Variants in ZC3H11A observed in about 807,000 individuals in gnomAD.
ZC3H11A encodes zinc finger CCCH domain-containing protein 11A.
ZC3H11A carries 22 observed loss-of-function variants against 90.8 expected under a neutral mutation model. The ratio of observed to expected loss-of-function variants is 0.24; its 90% CI spans 0.17 to 0.35. ZC3H11A has a LOEUF of 0.35. Among genes scored for constraint, ZC3H11A ranks in the 10% least tolerant of loss-of-function variants. The probability of loss-of-function intolerance (pLI) is 1.00; values close to 1 mark genes in which losing one functional copy is unlikely to be tolerated. For synonymous variants in ZC3H11A, 294 were observed against 339.8 expected, an observed-to-expected ratio of 0.87 and a Z score of 1.48; for missense variants, 701 against 964.9, an observed-to-expected ratio of 0.73 and a Z score of 3.62.
At chr1:203,820,468 A>G (rs67642275) in intron 4 of ZC3H11A, among the ~76,000 whole-genome samples, 27,240 of 150,262 alleles carry the variant, frequency 0.18, 2,923 homozygotes, top group East Asian at 0.31. Context: ...ATCACAAATT[A>G]TGTGTGTGTG....
At chr1:203,825,560 G>A (rs1022983857) in intron 4 of ZC3H11A, among the ~76,000 whole-genome samples, 9 of 149,522 alleles carry the variant, frequency 6.0e-5, no homozygotes, top group East Asian at 4.0e-4. Context: ...TCAGCCTCCC[G>A]CATAGCTGGG....
rs765606272 is a variant in ZC3H11A at position 203,796,488 on chromosome 1, C to T, written c.-1588+694C>T. ...CGTAATGAAGAACACCCCTAAACTC[C>T]CATAATCGGTGCGGATTCCTATGGG... is the stretch of plus-strand genomic sequence containing the variant. On this transcript the variant is annotated intron_variant, in intron 1 of 17. Coordinates refer to ENST00000367210, the MANE Select transcript of ZC3H11A (RefSeq NM_001376342.1). 1.8e-5 allele frequency: 7 copies of T among 398,886 alleles called. No homozygotes were observed. The East Asian group carries it at 2.5e-4, about 14-fold the overall frequency. 24.7% of individuals were successfully genotyped at this position (398,886 alleles called of 1,614,324 possible). A position where few individuals can be genotyped will look rare whatever the true frequency, so the allele number is the denominator to read the frequency against.
At chr1:203,800,427 G>A (rs1670201817) in intron 1 of ZC3H11A, 2 of 1,404,334 alleles carry the variant, frequency 1.4e-6, no homozygotes, top group Middle Eastern at 1.8e-4. Flanking sequence ...GCAGAATGAA[G>A]TTGTTCAAAG....
intron 4 of ZC3H11A, among the ~76,000 whole-genome samples, chr1:203,824,274 T>A (rs201008986): frequency 1.6e-4 from 22 of 139,966 alleles, no homozygotes; most frequent in African/African-American, 2.4e-4. Context: ...ATCTCAAAAT[T>A]AAAAAAAAAA....
chr1:203,798,550 T>C (rs1312529823), intron 1 of ZC3H11A: 1 of 1,536,038 alleles, frequency 6.5e-7, no homozygotes, highest in East Asian at 2.4e-5. Context: ...AGTGATCTCT[T>C]GAGTGATACC....
chr1:203,795,627 C>G lies in ZC3H11A; in HGVS notation c.-1755C>G, dbSNP rs963267762. ...CACTTTTACCGGCCGGGCCTTAGAG[C>G]GGAGCCTGTAGCCAGGCGCCATCTT... On this transcript the variant is annotated 5_prime_UTR_variant, in exon 1 of 18. Transcript: ENST00000367210. 6.6e-6 allele frequency: 1 copy of G among 152,212 alleles called. No individual in the cohort carries two copies. Among genetic ancestry groups the G allele is most frequent in the African/African-American group, 2.4e-5 (1 of 41,444 alleles). The allele number at this position is 152,212 out of a possible 1,614,324, so 9.4% of individuals were successfully genotyped here.
chr1:203,800,531 A>G lies in ZC3H11A; in HGVS notation c.-1587-1044A>G, dbSNP rs1571889803. On this transcript the variant is annotated intron_variant, in intron 1 of 17. Transcript: ENST00000367210. The stretch of plus-strand genomic sequence containing the variant: ...CTGTATCTTAATAGCTGTAGTTGTT[A>G]AATATAATCATTATCTTTATAAACA... The G allele has an allele frequency of 2.2e-6, 3 of 1,367,958 alleles. No individual in the cohort carries two copies. The East Asian group carries it at 7.7e-5, about 35-fold the overall frequency. The allele number at this position is 1,367,958 out of a possible 1,614,324, so 84.7% of individuals were successfully genotyped here.
chr1:203,834,550 G>A (rs2103094190), intron 10 of ZC3H11A, among the ~76,000 whole-genome samples: 1 of 152,310 alleles, frequency 6.6e-6, no homozygotes, highest in African/African-American at 2.4e-5. Flanking sequence ...GCAATTACAG[G>A]CATGAGATAC....
chr1:203,827,647 A>C (rs1572158281), intron 4 of ZC3H11A, among the ~76,000 whole-genome samples: 1 of 150,780 alleles, frequency 6.6e-6, no homozygotes, highest in Admixed American at 6.7e-5. Context: ...GCGCCACTGC[A>C]CTCCAGCCTG....
At position 203,802,305 on chromosome 1, in the gene ZC3H11A, T is replaced by G. The variant is rs1333377702; in HGVS notation, c.-857T>G. 1 of 152,628 alleles carries G rather than the reference T, an allele frequency of 6.6e-6. No homozygotes were observed. The highest frequency in any genetic ancestry group is 1.5e-5 in the Non-Finnish European group (1 of 68,032). The allele number at this position is 152,628 out of a possible 1,614,324, so 9.5% of individuals were successfully genotyped here. ...GGGCAAAATTTAGTGTAACAATAAC[T>G]TCATGATACTTTGGTATAAGAGTAA... On this transcript the variant is annotated 5_prime_UTR_variant, in exon 2 of 18. Coordinates refer to ENST00000367210, the MANE Select transcript of ZC3H11A (RefSeq NM_001376342.1).
intron 12 of ZC3H11A, among the ~76,000 whole-genome samples, chr1:203,844,051 T>G (rs961000620): frequency 4.6e-5 from 7 of 152,260 alleles, no homozygotes; most frequent in Admixed American, 3.9e-4. Flanking sequence ...GAAACGGGGC[T>G]TCTCCATGTT....
intron 17 of ZC3H11A, among the ~76,000 whole-genome samples, chr1:203,851,549 C>T (rs1689261527): frequency 1.3e-5 from 2 of 152,106 alleles, no homozygotes; most frequent in African/African-American, 4.8e-5. Flanking sequence ...AGGGTGGTCT[C>T]AAACTCCTGA....
chr1:203,842,823 T>C (rs982219329), intron 12 of ZC3H11A, among the ~76,000 whole-genome samples: 1 of 151,722 alleles, frequency 6.6e-6, no homozygotes, highest in Non-Finnish European at 1.5e-5. Context: ...TTCTGTGTTA[T>C]AATTTTTAAA....
At chr1:203,796,649 T>G (rs1333671653) in intron 1 of ZC3H11A, 3 of 392,954 alleles carry the variant, frequency 7.6e-6, no homozygotes, top group Non-Finnish European at 1.3e-5. Flanking sequence ...AATCGAAAAA[T>G]GGAAGTGGTT....
intron 11 of ZC3H11A, among the ~76,000 whole-genome samples, chr1:203,839,551 G>GA (rs1333287928): frequency 6.6e-6 from 1 of 152,154 alleles, no homozygotes; most frequent in Non-Finnish European, 1.5e-5. Flanking sequence ...TTGATGAGTA[G>GA]ACGTTCCTGT....
At chr1:203,803,764 C>T (rs539106610) in intron 2 of ZC3H11A, among the ~76,000 whole-genome samples, 2 of 152,204 alleles carry the variant, frequency 1.3e-5, no homozygotes, top group Non-Finnish European at 2.9e-5. Context: ...CCCCACTGTA[C>T]CTGGCTACTT....
intron 4 of ZC3H11A, among the ~76,000 whole-genome samples, chr1:203,819,596 A>G (rs1242635499): frequency 8.8e-6 from 1 of 113,194 alleles, no homozygotes; most frequent in African/African-American, 3.5e-5. Context: ...GTGTAATAGC[A>G]TGGGCTCAGC....
Position 203,802,151 on chromosome 1 carries a change from A to G in ZC3H11A, c.-1011A>G, listed in dbSNP as rs1670710870. On this transcript the variant is annotated 5_prime_UTR_variant, in exon 2 of 18. Transcript: ENST00000367210. ...TGCTGCACCACTCTGTAGTTACTCT[A>G]TTACCATACGTTTCTATCTTTTTTG... is the stretch of plus-strand genomic sequence containing the variant. 2 of 152,592 alleles carry G rather than the reference A, an allele frequency of 1.3e-5. No homozygotes were observed. The highest frequency in any genetic ancestry group is 4.8e-5 in the African/African-American group (2 of 41,436). 9.5% of individuals were successfully genotyped at this position (152,592 alleles called of 1,614,324 possible). A position where few individuals can be genotyped will look rare whatever the true frequency, so the allele number is the denominator to read the frequency against.
chr1:203,840,640 T>TTTATTTA (rs1558136097), intron 12 of ZC3H11A, among the ~76,000 whole-genome samples: 13 of 141,216 alleles, frequency 9.2e-5, no homozygotes, highest in African/African-American at 2.1e-4. Flanking sequence ...TTATTTATTT[T>TTTATTTA]ATTTATTTTT....
Sources: allele counts gnomAD v4.1 joint callset (sites outside exome capture counted in the v4.1 genomes callset), GRCh38; gene constraint gnomAD v4.1.1; transcripts MANE v1.5; gene names NCBI Gene and HGNC (gene_info 2026-07-23, HGNC 2026-07-21).